CDC14B: variants seen among roughly 807,000 people sequenced by gnomAD.
CDC14B encodes the protein cell division cycle 14B, also known as dual specificity protein phosphatase CDC14B.
A neutral mutation model predicts 64.2 loss-of-function variants in CDC14B; 22 were observed. The ratio of observed to expected loss-of-function variants is 0.34; its 90% CI spans 0.24 to 0.49. The LOEUF (loss-of-function observed/expected upper bound fraction) is 0.49, where lower values mean the gene tolerates loss of function less well. CDC14B is among the 20% of genes least tolerant of loss of function. CDC14B has a pLI of 0.99. For missense variants in CDC14B, 498 were observed against 629.9 expected, an observed-to-expected ratio of 0.79 and a Z score of 2.24; for synonymous variants, 191 against 215.8, an observed-to-expected ratio of 0.89 and a Z score of 1.01.
At chr9:96,546,923 G>A (rs958004060) in intron 5 of CDC14B, among the ~76,000 whole-genome samples, 11 of 152,016 alleles carry the variant, frequency 7.2e-5, no homozygotes, top group African/African-American at 1.7e-4. Context: ...TTAGCTGGGC[G>A]TGGTGGCAGG....
At position 96,541,752 on chromosome 9, in the gene CDC14B, A is replaced by T. The variant is rs962934539; in HGVS notation, c.564+74T>A. ...GAAACACTAACAAAAAGATCTCGGG[A>T]AGAAGGCCTAGTTTTCTTGGACCGC... On this transcript the variant is annotated intron_variant, in intron 6 of 13. Coordinates refer to ENST00000375241, the MANE Select transcript of CDC14B (RefSeq NM_033331.4). The T allele has an allele frequency of 3.0e-6, 3 of 1,007,250 alleles. No homozygotes were observed. The Admixed American group carries it at 7.4e-5, about 25-fold the overall frequency. The allele number at this position is 1,007,250 out of a possible 1,614,324, so 62.4% of individuals were successfully genotyped here. A position where few individuals can be genotyped will look rare whatever the true frequency, so the allele number is the denominator to read the frequency against.
downstream of CDC14B, among the ~76,000 whole-genome samples, chr9:96,495,456 T>G (rs1833204943): frequency 7.7e-6 from 1 of 130,152 alleles, no homozygotes; most frequent in Admixed American, 9.2e-5. Flanking sequence ...TGCCTGGCAC[T>G]CCCTGGAGTT....
chr9:96,577,064 C>A (rs925546955), intron 1 of CDC14B, among the ~76,000 whole-genome samples: 1 of 151,944 alleles, frequency 6.6e-6, no homozygotes, highest in African/African-American at 2.4e-5. Flanking sequence ...ACCAGCCTGG[C>A]CAACATGGTA....
At chr9:96,617,807 C>A (rs1847726623) in intron 1 of CDC14B, among the ~76,000 whole-genome samples, 1 of 152,138 alleles carries the variant, frequency 6.6e-6, no homozygotes, top group African/African-American at 2.4e-5. Flanking sequence ...CATTACTTGT[C>A]CTAAAATTAA....
chr9:96,563,655 G>GAA (rs35893039), intron 3 of CDC14B, among the ~76,000 whole-genome samples: 5 of 81,612 alleles, frequency 6.1e-5, no homozygotes, highest in Admixed American at 1.4e-4. Flanking sequence ...TGTCTCACGG[G>GAA]AAAAAAAAAA....
chr9:96,580,527 G>A (rs112884520), intron 1 of CDC14B, among the ~76,000 whole-genome samples: 10 of 152,216 alleles, frequency 6.6e-5, no homozygotes, highest in Admixed American at 3.3e-4. Flanking sequence ...CACTGCGCCC[G>A]GCTAGATTGC....
chr9:96,593,632 T>C (rs919942853), intron 1 of CDC14B, among the ~76,000 whole-genome samples: 7 of 151,920 alleles, frequency 4.6e-5, no homozygotes, highest in Admixed American at 6.6e-5. Flanking sequence ...CTAAAGTTAA[T>C]ATGGAAAAAT....
At chr9:96,504,509 C>A (rs1488038413) in intron 13 of CDC14B, among the ~76,000 whole-genome samples, 1 of 152,206 alleles carries the variant, frequency 6.6e-6, no homozygotes, top group Non-Finnish European at 1.5e-5. Flanking sequence ...TCGATCATTT[C>A]GTTTTCAGAG....
At chr9:96,546,436 AT>A (rs111518660) in intron 5 of CDC14B, among the ~76,000 whole-genome samples, 17,928 of 137,774 alleles carry the variant, frequency 0.13, 3,525 homozygotes, top group African/African-American at 0.43. Context: ...GAGACAGAGA[AT>A]TTTTTTTTTT....
intron 4 of CDC14B, 50 bp from the exon 5 acceptor site, chr9:96,551,922 C>T (rs1587933632): frequency 6.4e-7 from 1 of 1,567,342 alleles, no homozygotes; most frequent in South Asian, 1.2e-5. Flanking sequence ...AGTGAAGATA[C>T]AGTGCTGTCA....
chr9:96,593,740 C>T (rs1199119625), intron 1 of CDC14B, among the ~76,000 whole-genome samples: 1 of 152,066 alleles, frequency 6.6e-6, no homozygotes, highest in Non-Finnish European at 1.5e-5. Flanking sequence ...TATTAAAAGG[C>T]CTCTGTTACT....
chr9:96,540,965 T>C (rs1224158137), intron 6 of CDC14B, among the ~76,000 whole-genome samples: 1 of 152,232 alleles, frequency 6.6e-6, no homozygotes, highest in Non-Finnish European at 1.5e-5. Flanking sequence ...AATTAGTCTC[T>C]GAATTTGTAT....
At chr9:96,514,052 C>A (rs538793318) in intron 12 of CDC14B, among the ~76,000 whole-genome samples, 1 of 152,184 alleles carries the variant, frequency 6.6e-6, no homozygotes, top group South Asian at 2.1e-4. Flanking sequence ...CTGTCACAAG[C>A]TTTTTGCTTC....
intron 1 of CDC14B, chr9:96,618,444 A>G (rs1847772616): frequency 3.8e-6 from 2 of 530,740 alleles, no homozygotes; most frequent in Non-Finnish European, 7.7e-6. Flanking sequence ...AGTCTCCAAG[A>G]ACAGTCGAAT....
intron 12 of CDC14B, among the ~76,000 whole-genome samples, chr9:96,517,726 C>T (rs1463033254): frequency 3.3e-5 from 5 of 149,716 alleles, no homozygotes; most frequent in Non-Finnish European, 5.9e-5. Flanking sequence ...AGTGCAGTGG[C>T]GTTATCATAG....
intron 12 of CDC14B, chr9:96,514,405 A>C: frequency 1.0e-6 from 1 of 984,690 alleles, no homozygotes; most frequent in Non-Finnish European, 1.2e-6. Context: ...CCAAAAGGTT[A>C]ATCTATCTCA....
In CDC14B at chr9:96,509,787, A is replaced by C; in HGVS notation, c.1346T>G (p.Val449Gly). Residue 449 changes from valine to glycine, a missense_variant and splice_region_variant, in exon 13 of 14, where the codon GTA (valine) becomes GGA (glycine). Coordinates refer to ENST00000375241, the MANE Select transcript of CDC14B (RefSeq NM_033331.4). ...GCTCTGAACACTGGATTGAAGAATT[A>C]CTCTGAAAATAGTTGGAAAAAAATA... ...QSKTNAIPLT[V>G]ILQSSVQSCK... 1 of 1,571,900 alleles carries C rather than the reference A, an allele frequency of 6.4e-7. No homozygotes were observed. The highest frequency in any genetic ancestry group is 1.1e-5 in the South Asian group (1 of 88,936).
chr9:96,595,697 AC>A (rs1438174051), intron 1 of CDC14B, among the ~76,000 whole-genome samples: 1 of 152,230 alleles, frequency 6.6e-6, no homozygotes, highest in Admixed American at 6.5e-5. Flanking sequence ...ATGAAAAGAA[AC>A]CAGGCATAAA....
At chr9:96,559,209 C>T (rs1366662034) in intron 4 of CDC14B, among the ~76,000 whole-genome samples, 2 of 152,210 alleles carry the variant, frequency 1.3e-5, no homozygotes, top group Non-Finnish European at 2.9e-5. Context: ...CTCTGCCCAA[C>T]CCACATTAGG....
Sources: allele counts gnomAD v4.1 joint callset (sites outside exome capture counted in the v4.1 genomes callset), GRCh38; gene constraint gnomAD v4.1.1; transcripts MANE v1.5; gene names NCBI Gene and HGNC (gene_info 2026-07-23, HGNC 2026-07-21).